Variants in DENND1A observed in about 807,000 individuals in gnomAD.
The protein encoded by DENND1A is DENN domain containing 1A, also known as DENN domain-containing protein 1A.
A neutral mutation model predicts 113.7 loss-of-function variants in DENND1A; 51 were observed. That is an observed-to-expected ratio of 0.45 (90% CI 0.36 to 0.57). The LOEUF is 0.57. DENND1A is among the 20% of genes least tolerant of loss of function. The pLI, the probability that DENND1A is intolerant of heterozygous loss-of-function variation, is 0.00. For synonymous variants in DENND1A, 565 were observed against 570.8 expected (o/e 0.99, Z 0.14); for missense variants, 1,258 against 1,395.9 (o/e 0.90, Z 1.57).
chr9:123,913,704 G>A (rs1220881610), intron 1 of DENND1A, among the ~76,000 whole-genome samples: 5 of 151,878 alleles, frequency 3.3e-5, no homozygotes, highest in Admixed American at 2.6e-4. Context: ...TCAGGAGTTC[G>A]AGACTAGCCT....
chr9:123,535,314 T>C (rs1315389989), intron 13 of DENND1A, among the ~76,000 whole-genome samples: 1 of 152,200 alleles, frequency 6.6e-6, no homozygotes, highest in Admixed American at 6.5e-5. Flanking sequence ...GGCATGGTGG[T>C]GTGCATCTGT....
chr9:123,641,635 C>A (rs1160404323), intron 9 of DENND1A, among the ~76,000 whole-genome samples: 2 of 152,108 alleles, frequency 1.3e-5, no homozygotes, highest in Non-Finnish European at 2.9e-5. Context: ...TTTTTAAGTG[C>A]CAGTCGGTAC....
chr9:123,500,402 T>A (rs1358565678), intron 13 of DENND1A, among the ~76,000 whole-genome samples: 1 of 152,228 alleles, frequency 6.6e-6, no homozygotes, highest in Non-Finnish European at 1.5e-5. Context: ...TTTCAAGCTG[T>A]CAATGTGTTC....
chr9:123,599,545 T>G (rs2059853621), intron 11 of DENND1A, among the ~76,000 whole-genome samples: 1 of 152,198 alleles, frequency 6.6e-6, no homozygotes, highest in Non-Finnish European at 1.5e-5. Flanking sequence ...CTAATTGTCA[T>G]CACTTTATGG....
chr9:123,524,454 T>C (rs1201063554), intron 13 of DENND1A, among the ~76,000 whole-genome samples: 1 of 152,110 alleles, frequency 6.6e-6, no homozygotes, highest in Non-Finnish European at 1.5e-5. Flanking sequence ...TAGAACTGAG[T>C]GAAGGCGGCA....
intron 11 of DENND1A, among the ~76,000 whole-genome samples, chr9:123,587,184 C>T (rs528764212): frequency 8.7e-4 from 133 of 152,086 alleles, no homozygotes; most frequent in Non-Finnish European, 1.7e-3. Context: ...TTTGATTATG[C>T]GGTGAGATGG....
intron 1 of DENND1A, among the ~76,000 whole-genome samples, chr9:123,929,078 T>C (rs948671409): frequency 3.9e-4 from 59 of 152,236 alleles, no homozygotes; most frequent in African/African-American, 1.2e-3. Context: ...CACACCCAAA[T>C]TGGACCGCTT....
chr9:123,495,141 T>TCTCTC (rs2051763656), intron 13 of DENND1A, among the ~76,000 whole-genome samples: 1 of 140,558 alleles, frequency 7.1e-6, no homozygotes, highest in Admixed American at 7.1e-5. Flanking sequence ...CATTGTCTCT[T>TCTCTC]TCTCTCTCTC....
chr9:123,856,720 A>T (rs936418729), intron 2 of DENND1A, among the ~76,000 whole-genome samples: 1 of 152,092 alleles, frequency 6.6e-6, no homozygotes. Flanking sequence ...TCAAAGACCA[A>T]GGTGGATGAG....
chr9:123,828,560 T>C (rs906140865), intron 2 of DENND1A, among the ~76,000 whole-genome samples: 1 of 147,206 alleles, frequency 6.8e-6, no homozygotes, highest in Non-Finnish European at 1.5e-5. Flanking sequence ...GCAGGACAAA[T>C]GCAAAGACAT....
At chr9:123,919,420 C>T (rs982393611) in intron 1 of DENND1A, among the ~76,000 whole-genome samples, 16 of 147,882 alleles carry the variant, frequency 1.1e-4, no homozygotes, top group Non-Finnish European at 1.9e-4. Context: ...TGCAGTGAGC[C>T]GAGATCACAC....
intron 12 of DENND1A, among the ~76,000 whole-genome samples, chr9:123,569,247 C>A (rs2058226687): frequency 6.6e-6 from 1 of 152,198 alleles, no homozygotes; most frequent in African/African-American, 2.4e-5. Context: ...ATTGAATTCG[C>A]TGGCAGCACT....
At chr9:123,451,038 C>T (rs2047682201) in intron 17 of DENND1A, among the ~76,000 whole-genome samples, 1 of 151,988 alleles carries the variant, frequency 6.6e-6, no homozygotes, top group East Asian at 1.9e-4. Context: ...TTATTTATCT[C>T]AGCAGCCTGG....
chr9:123,536,220 G>A (rs1175634681), intron 13 of DENND1A, among the ~76,000 whole-genome samples: 1 of 152,096 alleles, frequency 6.6e-6, no homozygotes, highest in African/African-American at 2.4e-5. Flanking sequence ...CTCACATCCC[G>A]GCACTTTGGG....
intron 11 of DENND1A, among the ~76,000 whole-genome samples, chr9:123,589,325 ACTT>A (rs2059347392): frequency 6.6e-6 from 1 of 151,934 alleles, no homozygotes; most frequent in Non-Finnish European, 1.5e-5. Flanking sequence ...TTTAGTTTCC[ACTT>A]CTTAAAAAGT....
chr9:123,652,429 T>G lies in DENND1A; in HGVS notation c.508-306A>C, dbSNP rs2062709236. On this transcript the variant is annotated intron_variant, in intron 8 of 23. Coordinates refer to ENST00000394215, the MANE Select transcript of DENND1A (RefSeq NM_001352964.2). ...AGCAGAACAGGAATTCTACATATCTTACAAATGAGGAAACCAAGACTCAAA... is the reference window on the plus strand; with the variant it reads ...AGCAGAACAGGAATTCTACATATCTGACAAATGAGGAAACCAAGACTCAAA... The G allele has an allele frequency of 1.2e-5, 3 of 240,360 alleles. No individual in the cohort carries two copies. In the Admixed American group the frequency reaches 1.5e-4, roughly 12 times the overall value. The allele number at this position is 240,360 out of a possible 1,614,324, so 14.9% of individuals were successfully genotyped here.
chr9:123,841,619 G>A (rs986529547), intron 2 of DENND1A, among the ~76,000 whole-genome samples: 4 of 152,166 alleles, frequency 2.6e-5, no homozygotes, highest in Non-Finnish European at 5.9e-5. Context: ...ACTATACAGT[G>A]TAAGAACAAG....
intron 9 of DENND1A, among the ~76,000 whole-genome samples, chr9:123,633,169 A>G (rs1031508077): frequency 6.6e-6 from 1 of 151,952 alleles, no homozygotes; most frequent in Non-Finnish European, 1.5e-5. Flanking sequence ...CGGCCTCCCA[A>G]AGTCTTGGGA....
intron 3 of DENND1A, among the ~76,000 whole-genome samples, chr9:123,784,552 C>T (rs537075631): frequency 9.5e-4 from 144 of 152,306 alleles, no homozygotes; most frequent in African/African-American, 3.4e-3. Flanking sequence ...CAAAAGCAGA[C>T]TTGGTCCATT....
Sources: allele counts gnomAD v4.1 joint callset (sites outside exome capture counted in the v4.1 genomes callset), GRCh38; gene constraint gnomAD v4.1.1; transcripts MANE v1.5; gene names NCBI Gene and HGNC (gene_info 2026-07-23, HGNC 2026-07-21).